Variants in ASPRV1 observed in about 807,000 individuals in gnomAD.
ASPRV1 encodes retroviral-like aspartic protease 1.
A neutral mutation model predicts 11.0 loss-of-function variants in ASPRV1; 7 were observed. That is an observed-to-expected ratio of 0.64 (90% confidence interval 0.36 to 1.20). ASPRV1 has a LOEUF of 1.20. Ranked by LOEUF, ASPRV1 falls within the 50% of genes most tolerant of loss-of-function variation. The pLI is 0.02. For missense variants in ASPRV1, 299 were observed against 320.0 expected (o/e 0.93, Z 0.50); for synonymous variants, 136 against 138.4 (o/e 0.98, Z 0.12).
the ASPRV1 span, among the ~76,000 whole-genome samples, chr2:70,079,183 TA>T: frequency 6.6e-6 from 1 of 152,166 alleles, no homozygotes; most frequent in Admixed American, 6.6e-5. Context: ...AATAGTTGGA[TA>T]TAAGTCTTGA....
chr2:70,037,516 A>T, the ASPRV1 span, among the ~76,000 whole-genome samples: 2 of 152,158 alleles, frequency 1.3e-5, no homozygotes, highest in Non-Finnish European at 2.9e-5. Flanking sequence ...AAAACCTCCC[A>T]AAGTGTTGGG....
At chr2:70,079,309 CA>C in the ASPRV1 span, among the ~76,000 whole-genome samples, 37 of 139,886 alleles carry the variant, frequency 2.6e-4, no homozygotes, top group South Asian at 4.5e-4. Context: ...CCTGTCTCTA[CA>C]AAAAAAAAAA....
chr2:69,964,040 T>G (rs1678245913), upstream of ASPRV1, among the ~76,000 whole-genome samples: 1 of 152,140 alleles, frequency 6.6e-6, no homozygotes, highest in Admixed American at 6.5e-5. Context: ...AATTGGCAAA[T>G]GCTAAATCAA....
the ASPRV1 span, among the ~76,000 whole-genome samples, chr2:69,943,868 A>G: frequency 6.6e-6 from 1 of 152,222 alleles, no homozygotes; most frequent in Non-Finnish European, 1.5e-5. Flanking sequence ...AAGAGGAGGA[A>G]AAAGTTGTCT....
At chr2:69,964,930 T>C (rs1041415701), upstream of ASPRV1, among the ~76,000 whole-genome samples, 6 of 152,184 alleles carry the variant, frequency 3.9e-5, no homozygotes, top group East Asian at 5.8e-4. Flanking sequence ...CTCAGGCCAG[T>C]TGGGCAAATC....
the ASPRV1 span, chr2:70,031,114 T>C: frequency 2.0e-5 from 3 of 152,270 alleles, no homozygotes; most frequent in East Asian, 5.8e-4. Flanking sequence ...TTTAAATCAG[T>C]ACCCCTTCTT....
chr2:70,026,170 T>A, the ASPRV1 span, among the ~76,000 whole-genome samples: 2 of 151,936 alleles, frequency 1.3e-5, no homozygotes, highest in African/African-American at 4.8e-5. Context: ...AATACAAAAA[T>A]TAGTCAGTCA....
At chr2:70,010,556 T>C in the ASPRV1 span, among the ~76,000 whole-genome samples, 3 of 152,196 alleles carry the variant, frequency 2.0e-5, no homozygotes, top group Non-Finnish European at 2.9e-5. Context: ...TTGTGTTTCA[T>C]GATAAGGAAT....
the ASPRV1 span, among the ~76,000 whole-genome samples, chr2:70,047,754 T>C: frequency 6.6e-6 from 1 of 150,960 alleles, no homozygotes; most frequent in African/African-American, 2.4e-5. Flanking sequence ...CCGAGAGGAG[T>C]TTCTGATTTA....
At chr2:69,950,281 C>T in the ASPRV1 span, among the ~76,000 whole-genome samples, 17 of 152,220 alleles carry the variant, frequency 1.1e-4, no homozygotes, top group Non-Finnish European at 2.1e-4. Context: ...CCCTGAAGGA[C>T]ACAGCCACCC....
At chr2:69,977,743 C>G in the ASPRV1 span, among the ~76,000 whole-genome samples, 7 of 152,310 alleles carry the variant, frequency 4.6e-5, no homozygotes, top group African/African-American at 1.4e-4. Context: ...GATTTGGATA[C>G]AGAAAGTACC....
chr2:70,043,071 A>C, the ASPRV1 span, among the ~76,000 whole-genome samples: 1 of 152,172 alleles, frequency 6.6e-6, no homozygotes, highest in Non-Finnish European at 1.5e-5. Flanking sequence ...AATTCTAATC[A>C]TAAAGGCAGT....
the ASPRV1 span, chr2:70,011,928 G>A: frequency 6.6e-6 from 1 of 152,624 alleles, no homozygotes; most frequent in East Asian, 1.9e-4. Context: ...CACCGCTAAG[G>A]GAGAAGCAGC....
At chr2:70,075,291 T>C in the ASPRV1 span, 2 of 141,300 alleles carry the variant, frequency 1.4e-5, no homozygotes, top group African/African-American at 5.3e-5. Flanking sequence ...TTTGTATTTT[T>C]AGTAGAGACA....
downstream of ASPRV1, among the ~76,000 whole-genome samples, chr2:69,958,914 T>A (rs1368366033): frequency 6.6e-6 from 1 of 152,170 alleles, no homozygotes; most frequent in Admixed American, 6.5e-5. Context: ...ACACCTGTCC[T>A]TCCTCCAGGT....
chr2:70,058,511 C>T, the ASPRV1 span, among the ~76,000 whole-genome samples: 149 of 151,732 alleles, frequency 9.8e-4, no homozygotes, highest in African/African-American at 3.1e-3. Flanking sequence ...CAAAGTGCTA[C>T]AATTACAGGT....
At chr2:70,054,499 C>T in the ASPRV1 span, among the ~76,000 whole-genome samples, 1 of 151,702 alleles carries the variant, frequency 6.6e-6, no homozygotes, top group African/African-American at 2.4e-5. Flanking sequence ...ATTGTGTGAA[C>T]CCGGGAGGCG....
At chr2:70,012,116 G>A in the ASPRV1 span, 1 of 151,922 alleles carries the variant, frequency 6.6e-6, no homozygotes, top group Non-Finnish European at 1.5e-5. Flanking sequence ...TGGACTCCTG[G>A]GTCCCCAAGA....
the ASPRV1 span, among the ~76,000 whole-genome samples, chr2:70,038,274 G>C: frequency 6.6e-6 from 1 of 152,188 alleles, no homozygotes; most frequent in Non-Finnish European, 1.5e-5. Flanking sequence ...AGGCTGGGCA[G>C]AGTGGCTCAT....
Sources: allele counts gnomAD v4.1 joint callset (sites outside exome capture counted in the v4.1 genomes callset), GRCh38; gene constraint gnomAD v4.1.1; transcripts MANE v1.5; gene names NCBI Gene and HGNC (gene_info 2026-07-23, HGNC 2026-07-21).